CCDC192: variants seen among roughly 807,000 people sequenced by gnomAD.
The protein encoded by CCDC192 is coiled-coil domain containing 192, also known as coiled-coil domain-containing protein 192.
chr5:127,740,924 G>A (rs7721888), intron 2 of CCDC192, among the ~76,000 whole-genome samples: 4,486 of 152,234 alleles, frequency 0.029, 146 homozygotes, highest in African/African-American at 0.084. Context: ...CATGCATGAT[G>A]AGTGAGAAAA....
chr5:127,813,052 A>G (rs1725855324), intron 5 of CCDC192, among the ~76,000 whole-genome samples: 1 of 152,186 alleles, frequency 6.6e-6, no homozygotes. Flanking sequence ...TTTCTTTGAC[A>G]TCCATTTTTG....
chr5:127,811,639 T>C (rs951099303), intron 5 of CCDC192, among the ~76,000 whole-genome samples: 1 of 152,212 alleles, frequency 6.6e-6, no homozygotes, highest in South Asian at 2.1e-4. Flanking sequence ...GCATTAGTTC[T>C]TAGCACTGAA....
chr5:127,781,312 G>A (rs1756206209), intron 3 of CCDC192, among the ~76,000 whole-genome samples: 1 of 152,118 alleles, frequency 6.6e-6, no homozygotes, highest in Non-Finnish European at 1.5e-5. Context: ...TGGATATGCA[G>A]GATCTTCCTT....
intron 3 of CCDC192, among the ~76,000 whole-genome samples, chr5:127,755,786 GTA>G (rs1233484628): frequency 8.7e-6 from 1 of 114,946 alleles, no homozygotes; most frequent in Non-Finnish European, 1.8e-5. Context: ...CACTAAGAAG[GTA>G]TATAGGATTT....
At chr5:127,924,714 G>A (rs1008312458) in intron 6 of CCDC192, among the ~76,000 whole-genome samples, 14 of 152,178 alleles carry the variant, frequency 9.2e-5, no homozygotes, top group African/African-American at 3.4e-4. Flanking sequence ...TTTCAGACCT[G>A]TCTGAACAAT....
At chr5:127,863,124 A>C (rs1251791143) in intron 5 of CCDC192, among the ~76,000 whole-genome samples, 1 of 152,202 alleles carries the variant, frequency 6.6e-6, no homozygotes, top group Non-Finnish European at 1.5e-5. Context: ...TTGAAAAGAG[A>C]GAATGAAATT....
At chr5:127,911,289 A>G (rs990519461) in intron 6 of CCDC192, among the ~76,000 whole-genome samples, 8 of 152,222 alleles carry the variant, frequency 5.3e-5, no homozygotes, top group Non-Finnish European at 1.0e-4. Flanking sequence ...TTTTCATGCC[A>G]GAGTGAGGAA....
chr5:127,769,457 G>T (rs1198561908), intron 3 of CCDC192, among the ~76,000 whole-genome samples: 3 of 151,854 alleles, frequency 2.0e-5, no homozygotes, highest in African/African-American at 7.3e-5. Context: ...CTGAGTGGTT[G>T]TACATTTGAA....
intron 5 of CCDC192, among the ~76,000 whole-genome samples, chr5:127,798,406 C>T (rs1469680996): frequency 6.6e-6 from 1 of 152,088 alleles, no homozygotes; most frequent in East Asian, 1.9e-4. Flanking sequence ...CAGGTGCTAT[C>T]AGAAGAAGAG....
At chr5:127,718,395 A>G (rs531816897) in intron 2 of CCDC192, among the ~76,000 whole-genome samples, 7 of 152,340 alleles carry the variant, frequency 4.6e-5, no homozygotes, top group African/African-American at 1.7e-4. Flanking sequence ...GATTTGTTTC[A>G]TCAGATACCC....
rs1264370760 is a variant in CCDC192, at chr5:127,848,076, T to A, written c.412-27462T>A. ...GCCTCCCAAAGTGCTGGGATTACAG[T>A]GATTTTTTTTTTAATCTCTATGTTT... On this transcript the variant is annotated intron_variant, in intron 5 of 6. Coordinates refer to ENST00000514853, the MANE Select transcript of CCDC192 (RefSeq NM_001317938.2). 5.3e-5 allele frequency among the ~76,000 whole-genome samples: 8 copies of A among 151,784 alleles called. No homozygotes were observed. The East Asian group carries it at 1.4e-3, about 26-fold the overall frequency.
chr5:127,866,430 G>A (rs887300263), intron 5 of CCDC192, among the ~76,000 whole-genome samples: 1 of 149,148 alleles, frequency 6.7e-6, no homozygotes, highest in Non-Finnish European at 1.5e-5. Flanking sequence ...CTTAGCTTGA[G>A]ATTCTTGCCT....
intron 6 of CCDC192, among the ~76,000 whole-genome samples, chr5:127,884,032 T>C (rs1484594299): frequency 6.6e-6 from 1 of 151,974 alleles, no homozygotes; most frequent in Non-Finnish European, 1.5e-5. Flanking sequence ...ATAGTGAACA[T>C]TTGTTGTTTC....
At chr5:127,754,448 C>T (rs1204525243) in intron 3 of CCDC192, 73 bp downstream of exon 3, 2 of 380,686 alleles carry the variant, frequency 5.3e-6, no homozygotes, top group South Asian at 1.4e-4. Context: ...TGTAAACACA[C>T]GTTTTAACCT....
intron 2 of CCDC192, among the ~76,000 whole-genome samples, chr5:127,709,983 A>G (rs1751228914): frequency 6.6e-6 from 1 of 152,196 alleles, no homozygotes; most frequent in Non-Finnish European, 1.5e-5. Flanking sequence ...ACTGAAAAGG[A>G]CAAGGTGCCA....
chr5:127,792,544 A>ATATATG (rs1554075507), intron 3 of CCDC192, among the ~76,000 whole-genome samples: 9 of 150,044 alleles, frequency 6.0e-5, no homozygotes, highest in African/African-American at 2.2e-4. Context: ...ATATATATAT[A>ATATATG]TATGTATAAA....
intron 5 of CCDC192, among the ~76,000 whole-genome samples, chr5:127,866,057 C>T (rs1751597210): frequency 6.6e-6 from 1 of 152,026 alleles, no homozygotes; most frequent in Non-Finnish European, 1.5e-5. Context: ...AACAACCAAA[C>T]TGTTGAACGC....
chr5:127,870,277 C>T (rs1349553259), intron 5 of CCDC192, among the ~76,000 whole-genome samples: 7 of 152,182 alleles, frequency 4.6e-5, no homozygotes, highest in Non-Finnish European at 8.8e-5. Context: ...TTCCTAGGGT[C>T]TCTAAAGATA....
chr5:127,752,647 A>C (rs1239937963), intron 2 of CCDC192, among the ~76,000 whole-genome samples: 8 of 152,174 alleles, frequency 5.3e-5, no homozygotes, highest in East Asian at 1.9e-4. Flanking sequence ...CCACCCAGTT[A>C]GAGCTTCCGG....
Sources: gnomAD v4.1 joint callset for allele counts (sites outside exome capture counted in the v4.1 genomes callset) on GRCh38, gnomAD v4.1.1 for gene constraint, MANE v1.5 for transcripts, NCBI Gene and HGNC (gene_info 2026-07-23, HGNC 2026-07-21) for gene names.